Variants in ABCB5 observed in about 807,000 individuals in gnomAD.
The protein encoded by ABCB5 is ATP-binding cassette sub-family B member 5.
In ABCB5, 155 loss-of-function variants were observed where a neutral mutation model predicts 144.2. The ratio of observed to expected loss-of-function variants is 1.08; its 90% CI spans 0.94 to 1.23. The LOEUF is 1.23. ABCB5 is among the 50% of genes most tolerant of loss of function. The pLI is 0.00. For synonymous variants in ABCB5, 610 were observed against 528.6 expected (o/e 1.15, Z -2.11); for missense variants, 1,830 against 1,520.8 (o/e 1.20, Z -3.38).
chr7:20,628,339 C>T (rs895479687), intron 3 of ABCB5, among the ~76,000 whole-genome samples: 3 of 152,248 alleles, frequency 2.0e-5, no homozygotes, highest in African/African-American at 7.2e-5. Context: ...GACATGAACT[C>T]ATCCATTTTT....
chr7:20,637,860 G>A (rs1243844368), intron 5 of ABCB5, among the ~76,000 whole-genome samples: 1 of 152,172 alleles, frequency 6.6e-6, no homozygotes, highest in Non-Finnish European at 1.5e-5. Flanking sequence ...TATAGTAAGT[G>A]CTCAATAAAT....
intron 21 of ABCB5, among the ~76,000 whole-genome samples, chr7:20,724,483 G>A (rs1255801683): frequency 6.6e-6 from 1 of 151,960 alleles, no homozygotes; most frequent in Non-Finnish European, 1.5e-5. Context: ...CAAAAAGTTA[G>A]CCGGGTATGG....
At chr7:20,747,279 T>C (rs1464005045) in intron 26 of ABCB5, among the ~76,000 whole-genome samples, 1 of 152,196 alleles carries the variant, frequency 6.6e-6, no homozygotes, top group African/African-American at 2.4e-5. Context: ...ACTTTTATTC[T>C]TTTTCCTTTG....
chr7:20,652,766 A>G (rs1247733107), intron 13 of ABCB5, among the ~76,000 whole-genome samples: 5 of 152,242 alleles, frequency 3.3e-5, no homozygotes, highest in African/African-American at 9.6e-5. Context: ...GCATCCCCTG[A>G]AATTGTTGTG....
rs553973293 is a variant in ABCB5 at position 20,704,876 on chromosome 7, T to C, written c.2421+69T>C. 15 of 1,291,780 alleles carry C rather than the reference T, an allele frequency of 1.2e-5. No homozygotes were observed. In the African/African-American group the frequency reaches 1.9e-4, roughly 16 times the overall value. The allele number at this position is 1,291,780 out of a possible 1,614,324, so 80.0% of individuals were successfully genotyped here. A position where few individuals can be genotyped will look rare whatever the true frequency, so the allele number is the denominator to read the frequency against. The stretch of plus-strand genomic sequence containing the variant: ...TGCACACATGCAATGCACACATGTG[T>C]CTGTGCATATATGTGAGCTGTGCTG... On this transcript the variant is annotated intron_variant, in intron 20 of 27. Transcript: ENST00000404938.
chr7:20,652,438 C>T (rs1003401745), intron 13 of ABCB5, among the ~76,000 whole-genome samples: 61 of 152,120 alleles, frequency 4.0e-4, no homozygotes, highest in African/African-American at 1.3e-3. Flanking sequence ...GGTGTGGTGG[C>T]GCACACCTAT....
intron 20 of ABCB5, among the ~76,000 whole-genome samples, chr7:20,716,144 A>G (rs1227503027): frequency 6.6e-6 from 1 of 152,196 alleles, no homozygotes; most frequent in Non-Finnish European, 1.5e-5. Context: ...GCCCCAGTGG[A>G]TATGTTTTAT....
At chr7:20,633,084 A>T (rs1784072866) in intron 5 of ABCB5, among the ~76,000 whole-genome samples, 1 of 151,940 alleles carries the variant, frequency 6.6e-6, no homozygotes, top group Admixed American at 6.6e-5. Flanking sequence ...AATAGTAAAA[A>T]TAATAAAATA....
chr7:20,755,418 C>G lies in ABCB5; in HGVS notation c.3577-9C>G, dbSNP rs1472775733. 1.2e-6 allele frequency: 2 copies of G among 1,613,322 alleles called. No individual in the cohort carries two copies. The highest frequency in any genetic ancestry group is 8.5e-7 in the Non-Finnish European group (1 of 1,179,388). ...CAAACTGGTGATCACAGGTCTTTCT[C>G]TCTTCCAGGTGGTTCAGCATGCCCT... is the stretch of plus-strand genomic sequence containing the variant. On this transcript the variant is annotated splice_polypyrimidine_tract_variant and intron_variant, in intron 27 of 27. Transcript: ENST00000404938.
At chr7:20,711,798 T>G (rs75273530) in intron 20 of ABCB5, among the ~76,000 whole-genome samples, 1 of 86,626 alleles carries the variant, frequency 1.2e-5, no homozygotes, top group Non-Finnish European at 2.2e-5. Flanking sequence ...CTTTCTTTCT[T>G]TCTTTCTTTC....
chr7:20,708,983 G>A (rs1036925892), intron 20 of ABCB5, among the ~76,000 whole-genome samples: 3 of 151,944 alleles, frequency 2.0e-5, no homozygotes, highest in Admixed American at 6.6e-5. Context: ...CAAATTCAAC[G>A]TTGGCTCCTC....
rs555600899 is a variant in ABCB5, at chr7:20,677,432, G to C, written c.1708-4073G>C. 1.6e-3 allele frequency among the ~76,000 whole-genome samples: 243 copies of C among 152,156 alleles called. 1 individual carries two copies. The highest frequency in any genetic ancestry group is 5.7e-3 in the African/African-American group (236 of 41,518). Reference sequence around the variant, plus strand: ...AAAGTCCTGACATCTGTCCTGACTTGGATAAATGTTTAACCATCAAAAAAT... The same window carrying C: ...AAAGTCCTGACATCTGTCCTGACTTCGATAAATGTTTAACCATCAAAAAAT... On this transcript the variant is annotated intron_variant, in intron 14 of 27. Coordinates refer to ENST00000404938, the MANE Select transcript of ABCB5 (RefSeq NM_001163941.2).
At chr7:20,691,832 G>A (rs1786242215) in intron 16 of ABCB5, among the ~76,000 whole-genome samples, 1 of 151,742 alleles carries the variant, frequency 6.6e-6, no homozygotes, top group Non-Finnish European at 1.5e-5. Context: ...TAACATTTAC[G>A]AGAATTCAGA....
chr7:20,713,748 C>T (rs1300797559), intron 20 of ABCB5, among the ~76,000 whole-genome samples: 4 of 149,692 alleles, frequency 2.7e-5, no homozygotes, highest in Admixed American at 6.7e-5. Context: ...ACTCTACCTA[C>T]GCCCTGTGGC....
At chr7:20,681,692 T>C (rs768704346) in intron 15 of ABCB5, 26 bp downstream of exon 15, 12 of 1,607,442 alleles carry the variant, frequency 7.5e-6, no homozygotes, top group Admixed American at 5.0e-5. Flanking sequence ...CATAATGCTA[T>C]GTCAGCAGGG....
intron 20 of ABCB5, among the ~76,000 whole-genome samples, chr7:20,718,283 A>T (rs1781752676): frequency 6.6e-6 from 1 of 152,166 alleles, no homozygotes; most frequent in Admixed American, 6.5e-5. Context: ...GACACAATGT[A>T]GCCTATAACA....
chr7:20,623,001 T>A (rs1466991981), intron 1 of ABCB5, among the ~76,000 whole-genome samples: 1 of 152,182 alleles, frequency 6.6e-6, no homozygotes, highest in Non-Finnish European at 1.5e-5. Flanking sequence ...CTGACTTTCC[T>A]TCTTTTATTC....
chr7:20,700,839 A>G (rs757244853), intron 19 of ABCB5, among the ~76,000 whole-genome samples: 1 of 152,200 alleles, frequency 6.6e-6, no homozygotes, highest in Non-Finnish European at 1.5e-5. Context: ...ACTTTCTGTC[A>G]CAAAAGCTCA....
intron 16 of ABCB5, among the ~76,000 whole-genome samples, chr7:20,689,335 G>A (rs1273418178): frequency 1.3e-5 from 2 of 152,152 alleles, no homozygotes; most frequent in Non-Finnish European, 2.9e-5. Context: ...TACCTTGCTG[G>A]TGGGGCTTGC....
Sources: allele counts gnomAD v4.1 joint callset (sites outside exome capture counted in the v4.1 genomes callset), GRCh38; gene constraint gnomAD v4.1.1; transcripts MANE v1.5; gene names NCBI Gene and HGNC (gene_info 2026-07-23, HGNC 2026-07-21).